The following NIPSNAP2 variants were observed in gnomAD, a reference collection of about 807,000 sequenced individuals.
NIPSNAP2 encodes nipsnap homolog 2, also known as protein NipSnap homolog 2.
Under a neutral mutation model 48.4 loss-of-function variants are expected in NIPSNAP2, and 42 were observed. That is an observed-to-expected ratio of 0.87 (90% confidence interval 0.68 to 1.12). The LOEUF (loss-of-function observed/expected upper bound fraction) is 1.12, where lower values mean the gene tolerates loss of function less well. Ranked by LOEUF, NIPSNAP2 falls within the 50% of genes most tolerant of loss-of-function variation. NIPSNAP2 has a pLI of 0.00. For missense variants in NIPSNAP2, 314 were observed against 347.3 expected, an observed-to-expected ratio of 0.90 and a Z score of 0.76; for synonymous variants, 158 against 126.6, an observed-to-expected ratio of 1.25 and a Z score of -1.67.
At chr7:55,997,343 T>A (rs1341982538) in intron 8 of NIPSNAP2, 23 bp from the exon 9 acceptor site, 1 of 1,577,118 alleles carries the variant, frequency 6.3e-7, no homozygotes, top group Non-Finnish European at 8.7e-7. Context: ...TAAGTCTTAC[T>A]TCTCTGTGTG....
At chr7:55,998,213 C>T (rs1163667106) in intron 9 of NIPSNAP2, among the ~76,000 whole-genome samples, 1 of 151,376 alleles carries the variant, frequency 6.6e-6, no homozygotes. Flanking sequence ...TGTGCCACTG[C>T]ACTCCAGCCT....
At chr7:55,979,758 A>G (rs1328527906) in intron 3 of NIPSNAP2, 5 of 455,690 alleles carry the variant, frequency 1.1e-5, no homozygotes, top group Admixed American at 2.4e-5. Flanking sequence ...TGAAACTTTC[A>G]GCAGCTCCCT....
At chr7:55,996,921 C>T (rs1369707605) in intron 8 of NIPSNAP2, among the ~76,000 whole-genome samples, 1 of 152,104 alleles carries the variant, frequency 6.6e-6, no homozygotes, top group Non-Finnish European at 1.5e-5. Flanking sequence ...TGGCTCACCC[C>T]TGTAATTCTA....
chr7:55,971,715 A>AGT, intron 1 of NIPSNAP2, among the ~76,000 whole-genome samples: 1 of 152,046 alleles, frequency 6.6e-6, no homozygotes. Flanking sequence ...ATAAATGCTC[A>AGT]GTTGGGGTGA....
chr7:55,987,002 A>C (rs1018710096), intron 7 of NIPSNAP2, among the ~76,000 whole-genome samples: 2 of 149,554 alleles, frequency 1.3e-5, no homozygotes, highest in Non-Finnish European at 3.0e-5. Flanking sequence ...AAAAAAAAAA[A>C]AAAAAAAACT....
In NIPSNAP2 at chr7:55,998,493, G is replaced by GTTTTTTTT. The variant is rs1164855630; in HGVS notation, c.797-496_797-489dup. ...TAAAACAAATATCCAGGTAGGATCT[G>GTTTTTTTT]TTTTTTTTTTTTTTTTTTTTTTTTT... is the stretch of plus-strand genomic sequence containing the variant. On this transcript the variant is annotated intron_variant, in intron 9 of 9. Coordinates refer to ENST00000322090, the MANE Select transcript of NIPSNAP2 (RefSeq NM_001483.3). Among the ~76,000 whole-genome samples, 36 of 63,198 alleles carry GTTTTTTTT rather than the reference G, an allele frequency of 5.7e-4. 9 individuals carry two copies. Among genetic ancestry groups the GTTTTTTTT allele is most frequent in the Admixed American group, 9.0e-4 (4 of 4,448 alleles). The allele number at this position is 63,198 out of a possible 152,430, so 41.5% of individuals were successfully genotyped here.
At chr7:55,978,004 C>T (rs2116344218) in intron 1 of NIPSNAP2, 122 bp from the exon 2 acceptor site, 1 of 1,063,642 alleles carries the variant, frequency 9.4e-7, no homozygotes, top group East Asian at 2.4e-5. Flanking sequence ...GGAAAGCAGG[C>T]ATTCTTTGGT....
At chr7:55,971,024 G>C (rs1168070347) in intron 1 of NIPSNAP2, among the ~76,000 whole-genome samples, 1 of 152,160 alleles carries the variant, frequency 6.6e-6, no homozygotes, top group Non-Finnish European at 1.5e-5. Context: ...TGTATCCATA[G>C]AGCCCGGCAT....
chr7:55,996,518 C>A (rs1463096651), intron 8 of NIPSNAP2, among the ~76,000 whole-genome samples: 1 of 152,144 alleles, frequency 6.6e-6, no homozygotes, highest in Non-Finnish European at 1.5e-5. Flanking sequence ...ACGGCACTCT[C>A]CACAACTGAC....
In NIPSNAP2 at chr7:55,999,266, A is replaced by G. The variant is rs548840333; in HGVS notation, c.*194A>G. ...GAATTACAGTTGGACTGATTGTGAC[A>G]GTGCCTTGTCGTCCTCTTTGAAACA... On this transcript the variant is annotated 3_prime_UTR_variant, in exon 10 of 10. Coordinates refer to ENST00000322090, the MANE Select transcript of NIPSNAP2 (RefSeq NM_001483.3). The G allele has an allele frequency of 1.7e-6, 1 of 593,114 alleles. No homozygotes were observed. The highest frequency in any genetic ancestry group is 2.1e-5 in the South Asian group (1 of 48,136). 36.7% of individuals were successfully genotyped at this position (593,114 alleles called of 1,614,324 possible).
At chr7:55,997,636 A>T (rs1453801997) in intron 9 of NIPSNAP2, among the ~76,000 whole-genome samples, 187 bp downstream of exon 9, 2 of 152,184 alleles carry the variant, frequency 1.3e-5, no homozygotes, top group Non-Finnish European at 2.9e-5. Flanking sequence ...AATAAAGTAG[A>T]ATATCCATGC....
intron 6 of NIPSNAP2, among the ~76,000 whole-genome samples, chr7:55,984,568 A>C (rs1164161846): frequency 6.6e-6 from 1 of 151,898 alleles, no homozygotes; most frequent in Non-Finnish European, 1.5e-5. Flanking sequence ...AAATATAAAA[A>C]ATTAGCCAGG....
chr7:55,978,265 TGTGA>T lies in NIPSNAP2; in HGVS notation c.232+5_232+8del, dbSNP rs757966247. ...AACAAGCAATCTATACAAATTACAG[TGTGA>T]GTGACAGGTTTGCTATCTTCATAGT... On this transcript the variant is annotated splice_donor_variant and splice_donor_region_variant and intron_variant, in intron 2 of 9. Coordinates refer to ENST00000322090, the MANE Select transcript of NIPSNAP2 (RefSeq NM_001483.3). LOFTEE classifies it high-confidence loss of function. 2 of 1,614,082 alleles carry T rather than the reference TGTGA, an allele frequency of 1.2e-6. No individual in the cohort carries two copies. Among genetic ancestry groups the T allele is most frequent in the Non-Finnish European group, 1.7e-6 (2 of 1,180,006 alleles).
intron 8 of NIPSNAP2, among the ~76,000 whole-genome samples, chr7:55,996,404 G>A (rs1053558602): frequency 5.3e-5 from 8 of 151,998 alleles, no homozygotes; most frequent in Non-Finnish European, 1.0e-4. Context: ...CTACGTCAGT[G>A]ATGTCCTTTT....
intron 7 of NIPSNAP2, among the ~76,000 whole-genome samples, chr7:55,987,357 G>A (rs142247758): frequency 6.6e-6 from 1 of 152,144 alleles, no homozygotes; most frequent in South Asian, 2.1e-4. Context: ...GCTGGGTGCG[G>A]TGGCTCACAC....
chr7:55,981,226 T>C (rs1787209885), intron 3 of NIPSNAP2: 2 of 290,580 alleles, frequency 6.9e-6, no homozygotes, highest in East Asian at 6.6e-5. Flanking sequence ...TTATCATCAT[T>C]ATACTGATTG....
At chr7:55,983,967 G>T in intron 6 of NIPSNAP2, 99 bp downstream of exon 6, 1 of 793,718 alleles carries the variant, frequency 1.3e-6, no homozygotes, top group Non-Finnish European at 2.0e-6. Context: ...ATTCTGTGAT[G>T]TATGTCTAGC....
chr7:55,976,542 A>G (rs1468288092), intron 1 of NIPSNAP2, among the ~76,000 whole-genome samples: 2 of 152,134 alleles, frequency 1.3e-5, no homozygotes, highest in Admixed American at 1.3e-4. Flanking sequence ...AGGTCAACAA[A>G]TTTGTATTCC....
At chr7:55,993,332 T>C (rs1298597786) in intron 7 of NIPSNAP2, among the ~76,000 whole-genome samples, 1 of 150,742 alleles carries the variant, frequency 6.6e-6, no homozygotes, top group Admixed American at 6.6e-5. Flanking sequence ...TGGTGGCTCA[T>C]GCCTGTAATC....
Sources: allele counts gnomAD v4.1 joint callset (sites outside exome capture counted in the v4.1 genomes callset), GRCh38; gene constraint gnomAD v4.1.1; transcripts MANE v1.5; gene names NCBI Gene and HGNC (gene_info 2026-07-23, HGNC 2026-07-21).